Variants in CPA6 observed in about 807,000 individuals in gnomAD.
CPA6 encodes carboxypeptidase A6.
In CPA6, 58 loss-of-function variants were observed where a neutral mutation model predicts 63.3. That is an observed-to-expected ratio of 0.92 (90% CI 0.74 to 1.14). CPA6 has a LOEUF of 1.14. Ranked by LOEUF, CPA6 falls within the 50% of genes most tolerant of loss-of-function variation. The pLI, the probability that CPA6 is intolerant of heterozygous loss-of-function variation, is 0.00. For missense variants in CPA6, 565 were observed against 526.6 expected (o/e 1.07, Z -0.71); for synonymous variants, 185 against 179.0 (o/e 1.03, Z -0.27).
chr8:67,702,692 C>T (rs969055333), intron 1 of CPA6, among the ~76,000 whole-genome samples: 1 of 152,118 alleles, frequency 6.6e-6, no homozygotes, highest in African/African-American at 2.4e-5. Flanking sequence ...GGGAAAAACG[C>T]CTCAAGTGAG....
chr8:67,532,402 G>A (rs1372692244), intron 2 of CPA6, among the ~76,000 whole-genome samples: 2 of 152,090 alleles, frequency 1.3e-5, no homozygotes, highest in Non-Finnish European at 2.9e-5. Flanking sequence ...AAATGACCAG[G>A]TGCAATGGCT....
chr8:67,678,879 G>A (rs149084835), intron 1 of CPA6, among the ~76,000 whole-genome samples: 61 of 152,238 alleles, frequency 4.0e-4, no homozygotes, highest in Non-Finnish European at 5.7e-4. Flanking sequence ...TAGGTATATC[G>A]CGATATGAGA....
Position 67,739,662 on chromosome 8 carries a change from C to A in CPA6, c.116+6352G>T, listed in dbSNP as rs1262209414. ...GAATGAAGCTCTCTACTTCTCTGAT[C>A]TGACTAGATCTGGTTTCAGGGTGTA... On this transcript the variant is annotated intron_variant, in intron 1 of 10. Transcript: ENST00000297770. Among the ~76,000 whole-genome samples, 2 of 152,128 alleles carry A rather than the reference C, an allele frequency of 1.3e-5. 1 individual carries two copies. Among genetic ancestry groups the A allele is most frequent in the Non-Finnish European group, 2.9e-5 (2 of 68,030 alleles).
chr8:67,438,393 G>A (rs1810211667), intron 8 of CPA6, among the ~76,000 whole-genome samples: 1 of 147,938 alleles, frequency 6.8e-6, no homozygotes, highest in Admixed American at 6.8e-5. Flanking sequence ...ATTCACATTT[G>A]ACTTTTCAAC....
intron 8 of CPA6, among the ~76,000 whole-genome samples, chr8:67,446,932 A>T (rs921164494): frequency 1.3e-5 from 2 of 152,150 alleles, no homozygotes; most frequent in Non-Finnish European, 2.9e-5. Context: ...GTTTACAAGT[A>T]CACATATGTA....
chr8:67,520,314 T>C (rs886076513), intron 2 of CPA6, among the ~76,000 whole-genome samples: 2 of 152,236 alleles, frequency 1.3e-5, no homozygotes, highest in Admixed American at 1.3e-4. Flanking sequence ...GAAAGTTCCA[T>C]GAAATGGACC....
At chr8:67,429,721 G>T (rs1809978641) in intron 9 of CPA6, 1 of 152,048 alleles carries the variant, frequency 6.6e-6, no homozygotes, top group South Asian at 2.1e-4. Flanking sequence ...CATGGCAAGG[G>T]CAGATATTTC....
At chr8:67,445,489 T>C (rs774149561) in intron 8 of CPA6, among the ~76,000 whole-genome samples, 1 of 152,160 alleles carries the variant, frequency 6.6e-6, no homozygotes, top group African/African-American at 2.4e-5. Flanking sequence ...TATGTGTCTC[T>C]TGTTTGTAGG....
intron 1 of CPA6, among the ~76,000 whole-genome samples, chr8:67,742,113 C>T (rs911148243): frequency 7.0e-6 from 1 of 143,122 alleles, no homozygotes; most frequent in Non-Finnish European, 1.5e-5. Context: ...ATCACAGCTA[C>T]TTTCTGTTCT....
chr8:67,563,486 G>C (rs1470598857), intron 2 of CPA6, among the ~76,000 whole-genome samples: 3 of 152,100 alleles, frequency 2.0e-5, no homozygotes, highest in African/African-American at 7.2e-5. Context: ...ACAGAACATG[G>C]GAAAGCACAG....
chr8:67,572,550 A>G (rs1253572558), intron 2 of CPA6, among the ~76,000 whole-genome samples: 2 of 152,128 alleles, frequency 1.3e-5, no homozygotes, highest in Non-Finnish European at 2.9e-5. Flanking sequence ...ATGACCTTAA[A>G]CTTCTCAGCC....
chr8:67,554,752 A>G (rs1813022470), intron 2 of CPA6, among the ~76,000 whole-genome samples: 1 of 152,204 alleles, frequency 6.6e-6, no homozygotes, highest in South Asian at 2.1e-4. Flanking sequence ...ATCTGGAGTT[A>G]TTCCATCCCA....
intron 1 of CPA6, among the ~76,000 whole-genome samples, chr8:67,655,157 C>G (rs889484491): frequency 6.6e-5 from 10 of 152,120 alleles, no homozygotes; most frequent in Non-Finnish European, 1.3e-4. Context: ...TTTGTTATAA[C>G]AGGGATTCTT....
intron 1 of CPA6, among the ~76,000 whole-genome samples, chr8:67,631,076 C>A (rs981215881): frequency 6.6e-6 from 1 of 152,232 alleles, no homozygotes; most frequent in Admixed American, 6.5e-5. Context: ...CTGGTCCCAT[C>A]GACCACCCAA....
intron 1 of CPA6, among the ~76,000 whole-genome samples, chr8:67,646,785 A>T (rs1225150961): frequency 6.6e-6 from 1 of 152,176 alleles, no homozygotes; most frequent in African/African-American, 2.4e-5. Context: ...CTCCAGGCAA[A>T]GGAAACACAA....
At chr8:67,742,919 A>G (rs1169439726) in intron 1 of CPA6, among the ~76,000 whole-genome samples, 1 of 152,140 alleles carries the variant, frequency 6.6e-6, no homozygotes, top group Non-Finnish European at 1.5e-5. Flanking sequence ...TCTCTCTTTT[A>G]CCACTATTTT....
intron 1 of CPA6, among the ~76,000 whole-genome samples, chr8:67,744,323 TGAAGA>T (rs1488812446): frequency 2.6e-5 from 4 of 152,186 alleles, no homozygotes; most frequent in Middle Eastern, 3.2e-3. Context: ...ATGTAGCAAC[TGAAGA>T]GAAAATAGCA....
chr8:67,712,015 C>G (rs1172855354), intron 1 of CPA6, among the ~76,000 whole-genome samples: 1 of 152,118 alleles, frequency 6.6e-6, no homozygotes, highest in African/African-American at 2.4e-5. Context: ...CTATCTGCCC[C>G]CTCCCGCTAT....
chr8:67,661,498 T>C (rs560851354), intron 1 of CPA6, among the ~76,000 whole-genome samples: 5 of 152,208 alleles, frequency 3.3e-5, no homozygotes, highest in Non-Finnish European at 7.3e-5. Flanking sequence ...CTTGCTCCTG[T>C]AGTTTCTGCA....
Sources: gnomAD v4.1 joint callset for allele counts (sites outside exome capture counted in the v4.1 genomes callset) on GRCh38, gnomAD v4.1.1 for gene constraint, MANE v1.5 for transcripts, NCBI Gene and HGNC (gene_info 2026-07-23, HGNC 2026-07-21) for gene names.